The following OTUD7A variants were observed in gnomAD, a reference collection of about 807,000 sequenced individuals.
The protein encoded by OTUD7A is OTU deubiquitinase 7A, also known as OTU domain-containing protein 7A.
OTUD7A carries 12 observed loss-of-function variants against 65.7 expected under a neutral mutation model. The observed-to-expected ratio is 0.18, with a 90% CI of 0.12 to 0.30. OTUD7A has a LOEUF of 0.30. Ranked by LOEUF, OTUD7A falls within the 10% of genes least tolerant of loss-of-function variation. The pLI, the probability that OTUD7A is intolerant of heterozygous loss-of-function variation, is 1.00. For missense variants in OTUD7A, 1,148 were observed against 1,304.8 expected (o/e 0.88, Z 1.85); for synonymous variants, 641 against 586.3 (o/e 1.09, Z -1.35).
chr15:31,683,915 A>G (rs1892777432), intron 1 of OTUD7A, among the ~76,000 whole-genome samples: 1 of 152,220 alleles, frequency 6.6e-6, no homozygotes, highest in Admixed American at 6.5e-5. Context: ...AAGAAACTGC[A>G]TTCTTAAGCA....
At chr15:31,848,099 C>G (rs775791740) in intron 1 of OTUD7A, among the ~76,000 whole-genome samples, 35 of 152,166 alleles carry the variant, frequency 2.3e-4, no homozygotes, top group Non-Finnish European at 4.1e-4. Context: ...GGAGTGAGGT[C>G]CCTAACTGCA....
At chr15:31,635,596 A>T (rs1163440204) in intron 3 of OTUD7A, among the ~76,000 whole-genome samples, 1 of 152,240 alleles carries the variant, frequency 6.6e-6, no homozygotes, top group Non-Finnish European at 1.5e-5. Context: ...TCCAACCTGG[A>T]TGTTTTAGAA....
intron 5 of OTUD7A, among the ~76,000 whole-genome samples, chr15:31,543,101 T>G (rs750074038): frequency 3.3e-5 from 5 of 151,902 alleles, no homozygotes; most frequent in Non-Finnish European, 7.4e-5. Context: ...CACTAATGTC[T>G]GATGAGATTA....
chr15:31,604,395 G>A (rs1279879505), intron 3 of OTUD7A, among the ~76,000 whole-genome samples: 2 of 152,002 alleles, frequency 1.3e-5, no homozygotes, highest in Admixed American at 1.3e-4. Flanking sequence ...GTTGAACAAT[G>A]AGAACACATG....
At position 31,560,618 on chromosome 15, in the gene OTUD7A, T is replaced by C. The variant is rs186688298; in HGVS notation, c.332-1431A>G. ...AGGAGAAGTCTTTTTAGCAGGGCAG[T>C]AGATCTTTCATTTTTCTCAGGAAAG... On this transcript the variant is annotated intron_variant, in intron 4 of 12. Transcript: ENST00000307050. Among the ~76,000 whole-genome samples the C allele has an allele frequency of 1.7e-4, 26 of 152,378 alleles. 1 individual carries two copies. The East Asian group carries it at 5.0e-3, about 29-fold the overall frequency.
intron 3 of OTUD7A, among the ~76,000 whole-genome samples, chr15:31,583,631 C>A (rs1889440614): frequency 6.6e-6 from 1 of 151,772 alleles, no homozygotes; most frequent in Non-Finnish European, 1.5e-5. Flanking sequence ...CTCTTGCCTG[C>A]CACCATGTAA....
At chr15:31,718,837 T>C (rs1051974727) in intron 1 of OTUD7A, among the ~76,000 whole-genome samples, 1 of 150,872 alleles carries the variant, frequency 6.6e-6, no homozygotes, top group African/African-American at 2.4e-5. Context: ...ATTTCTTTAT[T>C]ATCCTTCTAA....
At chr15:31,603,681 T>C (rs370539190) in intron 3 of OTUD7A, among the ~76,000 whole-genome samples, 1 of 152,308 alleles carries the variant, frequency 6.6e-6, no homozygotes. Context: ...GAGAACATTT[T>C]TGTAATCTTT....
chr15:31,733,508 C>A (rs1367632281), intron 1 of OTUD7A, among the ~76,000 whole-genome samples: 4 of 152,190 alleles, frequency 2.6e-5, no homozygotes, highest in African/African-American at 9.6e-5. Flanking sequence ...TCAACTTAAA[C>A]GCTTTTTCCT....
intron 8 of OTUD7A, among the ~76,000 whole-genome samples, chr15:31,515,973 C>T (rs989807256): frequency 6.6e-6 from 1 of 151,716 alleles, no homozygotes; most frequent in East Asian, 2.0e-4. Flanking sequence ...CACCTACGCA[C>T]GCATCCATCC....
At chr15:31,589,909 G>GTATATTC (rs1290946130) in intron 3 of OTUD7A, among the ~76,000 whole-genome samples, 3 of 151,986 alleles carry the variant, frequency 2.0e-5, no homozygotes, top group African/African-American at 7.3e-5. Flanking sequence ...AATATAATTA[G>GTATATTC]TATATTCTTA....
chr15:31,797,945 T>C (rs1896015115), intron 1 of OTUD7A, among the ~76,000 whole-genome samples: 1 of 152,106 alleles, frequency 6.6e-6, no homozygotes, highest in Non-Finnish European at 1.5e-5. Flanking sequence ...GATCAGGGTG[T>C]CAGCAGGGTT....
chr15:31,828,399 G>T (rs1202723560), intron 1 of OTUD7A, among the ~76,000 whole-genome samples: 1 of 152,014 alleles, frequency 6.6e-6, no homozygotes, highest in African/African-American at 2.4e-5. Context: ...TTTACATCGT[G>T]TAATGTTTAA....
chr15:31,730,785 C>G (rs1302963530), intron 1 of OTUD7A, among the ~76,000 whole-genome samples: 2 of 152,154 alleles, frequency 1.3e-5, no homozygotes, highest in Non-Finnish European at 2.9e-5. Context: ...TTGCTGTCAT[C>G]CCCCAGAGCA....
intron 1 of OTUD7A, among the ~76,000 whole-genome samples, chr15:31,696,407 C>T (rs1448913861): frequency 1.7e-5 from 2 of 119,804 alleles, no homozygotes; most frequent in African/African-American, 2.9e-5. Flanking sequence ...AATCTTGGTG[C>T]CTTCCCTGCA....
At chr15:31,658,745 T>C (rs1306272396) in intron 1 of OTUD7A, among the ~76,000 whole-genome samples, 1 of 151,910 alleles carries the variant, frequency 6.6e-6, no homozygotes, top group East Asian at 1.9e-4. Flanking sequence ...ACTTCTGTTT[T>C]GGCCAGGTGC....
At chr15:31,541,860 AT>A (rs989258693) in intron 5 of OTUD7A, among the ~76,000 whole-genome samples, 1 of 152,188 alleles carries the variant, frequency 6.6e-6, no homozygotes, top group Non-Finnish European at 1.5e-5. Flanking sequence ...AAGATTAGAA[AT>A]AATTTTGCTC....
chr15:31,584,980 G>A (rs1452148173), intron 3 of OTUD7A, among the ~76,000 whole-genome samples: 1 of 152,220 alleles, frequency 6.6e-6, no homozygotes, highest in African/African-American at 2.4e-5. Flanking sequence ...TCACAAATGG[G>A]TTGTGAGTGA....
intron 3 of OTUD7A, among the ~76,000 whole-genome samples, chr15:31,615,194 T>A (rs1415239872): frequency 6.6e-6 from 1 of 152,188 alleles, no homozygotes; most frequent in Non-Finnish European, 1.5e-5. Flanking sequence ...AAAAAACAGA[T>A]GATCAGACTG....
Sources: allele counts gnomAD v4.1 joint callset (sites outside exome capture counted in the v4.1 genomes callset), GRCh38; gene constraint gnomAD v4.1.1; transcripts MANE v1.5; gene names NCBI Gene and HGNC (gene_info 2026-07-23, HGNC 2026-07-21).